Variants in RNF169 observed in about 807,000 individuals in gnomAD.
RNF169 encodes ring finger protein 169.
A neutral mutation model predicts 53.9 loss-of-function variants in RNF169; 24 were observed. The observed-to-expected ratio is 0.45, with a 90% CI of 0.32 to 0.63. The LOEUF (loss-of-function observed/expected upper bound fraction) is 0.63, where lower values mean the gene tolerates loss of function less well. Ranked by LOEUF, RNF169 falls within the 20% of genes least tolerant of loss-of-function variation. The probability of loss-of-function intolerance (pLI) is 0.04; values close to 1 mark genes in which losing one functional copy is unlikely to be tolerated. For synonymous variants in RNF169, 396 were observed against 363.5 expected, an observed-to-expected ratio of 1.09 and a Z score of -1.02; for missense variants, 883 against 906.2, an observed-to-expected ratio of 0.97 and a Z score of 0.33.
At chr11:74,785,188 T>C (rs1233457143) in intron 1 of RNF169, among the ~76,000 whole-genome samples, 1 of 121,242 alleles carries the variant, frequency 8.2e-6, no homozygotes, top group Non-Finnish European at 1.5e-5. Flanking sequence ...ATATATATGA[T>C]ATATATATGA....
rs369277052 is a variant in RNF169, at chr11:74,836,572, C to T, written c.1969C>T (p.Arg657Ter). Reference protein sequence around the residue: ...VGLAPTDPVLREMEQKLQQEE... With the variant: ...VGLAPTDPVL The stretch of plus-strand genomic sequence containing the variant: ...TCTGGCCCCAACAGACCCAGTCCTG[C>T]GAGAGATGGAGCAGAAGCTTCAGCA... The change falls in exon 6 of 6, where the codon CGA becomes TGA. Residue 657 changes from arginine to a stop codon, truncating the protein, a stop_gained. Coordinates refer to ENST00000299563, the MANE Select transcript of RNF169 (RefSeq NM_001098638.2). LOFTEE classifies it high-confidence loss of function. The T allele has an allele frequency of 9.9e-6, 16 of 1,614,022 alleles. No homozygotes were observed. The highest frequency in any genetic ancestry group is 1.1e-5 in the South Asian group (1 of 91,074).
chr11:74,804,922 CT>C (rs2035784041), intron 2 of RNF169, among the ~76,000 whole-genome samples: 1 of 152,168 alleles, frequency 6.6e-6, no homozygotes, highest in Non-Finnish European at 1.5e-5. Context: ...ATAAGATACA[CT>C]TTCATGCAGT....
intron 2 of RNF169, among the ~76,000 whole-genome samples, chr11:74,804,378 A>G (rs888626083): frequency 2.0e-5 from 3 of 152,198 alleles, no homozygotes; most frequent in African/African-American, 7.2e-5. Context: ...GAAGTGTATG[A>G]TACTCATACA....
intron 4 of RNF169, among the ~76,000 whole-genome samples, chr11:74,826,405 ATGAT>A (rs2036098344): frequency 6.6e-6 from 1 of 152,180 alleles, no homozygotes; most frequent in African/African-American, 2.4e-5. Flanking sequence ...AACCACCCCC[ATGAT>A]TCAGTTACCA....
intron 4 of RNF169, among the ~76,000 whole-genome samples, chr11:74,829,020 G>T (rs888349186): frequency 1.3e-5 from 2 of 152,180 alleles, no homozygotes; most frequent in African/African-American, 4.8e-5. Flanking sequence ...AAGAGCTTCT[G>T]CACAGCAAAA....
At chr11:74,784,313 T>C (rs1405543043) in intron 1 of RNF169, among the ~76,000 whole-genome samples, 2 of 152,224 alleles carry the variant, frequency 1.3e-5, no homozygotes, top group African/African-American at 4.8e-5. Flanking sequence ...TTTCAGTTCA[T>C]GACATGTGTT....
At position 74,749,347 on chromosome 11, in the gene RNF169, C is replaced by A; in HGVS notation, c.467C>A (p.Pro156Gln). The stretch of plus-strand genomic sequence containing the variant: ...GGCGCGGCTGCCGCGGGGCCCAGGC[C>A]AGAGCAGGAGCCGCGTGCCGCGCCT... The part of the protein sequence containing the change: ...DGGAAAAGPR[P>Q]EQEPRAAPAE... The change falls in exon 1 of 6, where the codon CCA becomes CAA. Residue 156 changes from proline (P) to glutamine (Q), a missense_variant. Physicochemically the swap from Pro to Gln is moderately conservative, Grantham distance 76. Transcript: ENST00000299563. The A allele has an allele frequency of 8.2e-7, 1 of 1,226,816 alleles. No homozygotes were observed. The allele number at this position is 1,226,816 out of a possible 1,614,324, so 76.0% of individuals were successfully genotyped here. A position where few individuals can be genotyped will look rare whatever the true frequency, so the allele number is the denominator to read the frequency against.
chr11:74,778,263 CCTT>C (rs1252837705), intron 1 of RNF169, among the ~76,000 whole-genome samples: 4 of 152,092 alleles, frequency 2.6e-5, no homozygotes, highest in Non-Finnish European at 4.4e-5. Flanking sequence ...GCAGTACCTC[CCTT>C]CTTCCTCATT....
chr11:74,810,477 TCCAGG>T, intron 3 of RNF169, 147 bp downstream of exon 3: 1 of 764,288 alleles, frequency 1.3e-6, no homozygotes, highest in Non-Finnish European at 2.2e-6. Context: ...AGAACTTACG[TCCAGG>T]CCAGAGCTTG....
At chr11:74,795,491 A>T (rs995842192) in intron 2 of RNF169, among the ~76,000 whole-genome samples, 5 of 152,178 alleles carry the variant, frequency 3.3e-5, no homozygotes, top group Non-Finnish European at 7.4e-5. Context: ...GTTTTAAAGG[A>T]ATGCTGTGCT....
Position 74,836,381 on chromosome 11 carries a change from T to C in RNF169, c.1778T>C (p.Leu593Ser). 6.2e-7 allele frequency: 1 copy of C among 1,614,120 alleles called. No homozygotes were observed. The highest frequency in any genetic ancestry group is 1.3e-5 in the African/African-American group (1 of 75,014). ...GGAGTCCTCAAAACAAAGCAACAATTGAAGACATTAAATCATTTTGATCTG... is the reference window on the plus strand; with the variant it reads ...GGAGTCCTCAAAACAAAGCAACAATCGAAGACATTAAATCATTTTGATCTG... The part of the protein sequence containing the change: ...LGGVLKTKQQ[L>S]KTLNHFDLTN... Residue 593 changes from leucine (L) to serine (S), a missense_variant, in exon 6 of 6, where the codon TTG becomes TCG. By Grantham distance (145) the Leu-to-Ser change is moderately radical (BLOSUM62 -2). Transcript: ENST00000299563.
At chr11:74,773,480 G>A (rs1353041805) in intron 1 of RNF169, among the ~76,000 whole-genome samples, 1 of 152,160 alleles carries the variant, frequency 6.6e-6, no homozygotes, top group Non-Finnish European at 1.5e-5. Flanking sequence ...ACGAATGAAA[G>A]GAGGGAGAAA....
intron 1 of RNF169, among the ~76,000 whole-genome samples, chr11:74,785,177 TATATATATG>T (rs2035473201): frequency 1.5e-5 from 1 of 65,814 alleles, no homozygotes; most frequent in African/African-American, 1.6e-4. Flanking sequence ...ATATATGATA[TATATATATG>T]ATATATATAT....
chr11:74,765,462 C>G (rs1242682606), intron 1 of RNF169, among the ~76,000 whole-genome samples: 1 of 152,072 alleles, frequency 6.6e-6, no homozygotes, highest in Admixed American at 6.6e-5. Context: ...CCCCTCCAAT[C>G]CATGTTTGGA....
Position 74,836,569 on chromosome 11 carries a change from C to T in RNF169, c.1966C>T (p.Leu656=). The part of the protein sequence containing the change: ...EVGLAPTDPV[L]REMEQKLQQE... ...GGGTCTGGCCCCAACAGACCCAGTC[C>T]TGCGAGAGATGGAGCAGAAGCTTCA... The change falls in exon 6 of 6, where the codon CTG becomes TTG. Residue 656 remains leucine (L), a synonymous_variant. Transcript: ENST00000299563. The T allele has an allele frequency of 1.9e-6, 3 of 1,614,120 alleles. No homozygotes were observed. Among genetic ancestry groups the T allele is most frequent in the Non-Finnish European group, 1.7e-6 (2 of 1,180,028 alleles).
intron 4 of RNF169, among the ~76,000 whole-genome samples, chr11:74,820,099 T>C (rs1250557780): frequency 6.6e-6 from 1 of 152,132 alleles, no homozygotes; most frequent in East Asian, 1.9e-4. Flanking sequence ...GGGAAATAGG[T>C]ACCCTTCCTT....
chr11:74,788,754 A>G (rs1366499202), intron 1 of RNF169, among the ~76,000 whole-genome samples: 1 of 152,084 alleles, frequency 6.6e-6, no homozygotes, highest in East Asian at 1.9e-4. Flanking sequence ...TAATTTCTCC[A>G]TATAGCCTTA....
At chr11:74,793,468 A>G (rs1396203566) in intron 2 of RNF169, among the ~76,000 whole-genome samples, 1 of 152,244 alleles carries the variant, frequency 6.6e-6, no homozygotes, top group African/African-American at 2.4e-5. Flanking sequence ...TAAAAAGTTA[A>G]CAAGAATTTT....
rs1387802437 is a variant in RNF169 at position 74,837,335 on chromosome 11, A to C, written c.*605A>C. 6.6e-6 allele frequency: 1 copy of C among 152,320 alleles called. No individual in the cohort carries two copies. Among genetic ancestry groups the C allele is most frequent in the Non-Finnish European group, 1.5e-5 (1 of 68,102 alleles). The allele number at this position is 152,320 out of a possible 1,614,324, so 9.4% of individuals were successfully genotyped here. A position where few individuals can be genotyped will look rare whatever the true frequency, so the allele number is the denominator to read the frequency against. ...GCACATTTACAGACCTTATTAATTT[A>C]GTCTTTCCAAGAGACCTCTCATGTA... On this transcript the variant is annotated 3_prime_UTR_variant, in exon 6 of 6. Transcript: ENST00000299563.
Sources: allele counts gnomAD v4.1 joint callset (sites outside exome capture counted in the v4.1 genomes callset), GRCh38; gene constraint gnomAD v4.1.1; transcripts MANE v1.5; gene names NCBI Gene and HGNC (gene_info 2026-07-23, HGNC 2026-07-21).